UTRN: variants seen among roughly 807,000 people sequenced by gnomAD.
UTRN encodes utrophin.
In UTRN, 283 loss-of-function variants were observed where a neutral mutation model predicts 463.9. That is an observed-to-expected ratio of 0.61 (90% confidence interval 0.55 to 0.67). The LOEUF (loss-of-function observed/expected upper bound fraction) is 0.67, where lower values mean the gene tolerates loss of function less well. Among genes scored for constraint, UTRN ranks in the 30% least tolerant of loss-of-function variants. The pLI is 0.00. For missense variants in UTRN, 3,922 were observed against 4,084.3 expected (o/e 0.96, Z 1.08); for synonymous variants, 1,442 against 1,431.5 (o/e 1.01, Z -0.17).
intron 50 of UTRN, among the ~76,000 whole-genome samples, chr6:144,569,648 T>C (rs141570205): frequency 1.3e-5 from 2 of 152,328 alleles, no homozygotes; most frequent in East Asian, 1.9e-4. Flanking sequence ...CCTGGTCCTA[T>C]TGGGTGCACT....
intron 23 of UTRN, among the ~76,000 whole-genome samples, chr6:144,463,288 T>G (rs1250724231): frequency 6.6e-6 from 1 of 152,166 alleles, no homozygotes; most frequent in Non-Finnish European, 1.5e-5. Flanking sequence ...AAGTCAGAGA[T>G]AGGCCATTGA....
At chr6:144,590,645 T>C (rs1802944894) in intron 51 of UTRN, among the ~76,000 whole-genome samples, 1 of 152,184 alleles carries the variant, frequency 6.6e-6, no homozygotes. Flanking sequence ...GCATTTTCCA[T>C]GGGAAACAAG....
At chr6:144,310,103 T>G (rs537508190) in intron 2 of UTRN, among the ~76,000 whole-genome samples, 1 of 152,388 alleles carries the variant, frequency 6.6e-6, no homozygotes, top group South Asian at 2.1e-4. Context: ...TTGTCTAGGT[T>G]GAATCACTAG....
chr6:144,457,521 T>A (rs1434544558), intron 19 of UTRN, among the ~76,000 whole-genome samples: 2 of 152,190 alleles, frequency 1.3e-5, no homozygotes, highest in African/African-American at 4.8e-5. Context: ...TTGTTCATAT[T>A]GTTAGGAAAA....
At chr6:144,633,973 C>T (rs1776826359) in intron 51 of UTRN, among the ~76,000 whole-genome samples, 1 of 152,218 alleles carries the variant, frequency 6.6e-6, no homozygotes, top group African/African-American at 2.4e-5. Context: ...AGGCATTCTG[C>T]CTGCTTTTAA....
intron 50 of UTRN, among the ~76,000 whole-genome samples, chr6:144,574,853 A>C (rs1222915226): frequency 6.6e-6 from 1 of 152,172 alleles, no homozygotes; most frequent in East Asian, 1.9e-4. Context: ...AAGTGCTGAG[A>C]CTACAGGCAT....
intron 51 of UTRN, among the ~76,000 whole-genome samples, chr6:144,648,499 G>A (rs1778498197): frequency 6.6e-6 from 1 of 152,070 alleles, no homozygotes; most frequent in Non-Finnish European, 1.5e-5. Context: ...TTTCACAAGA[G>A]GGCAGCACTT....
chr6:144,621,873 C>T (rs952655497), intron 51 of UTRN, among the ~76,000 whole-genome samples: 3 of 151,978 alleles, frequency 2.0e-5, no homozygotes, highest in Non-Finnish European at 4.4e-5. Context: ...TCTTTTTTCT[C>T]CTTTGCCTCC....
chr6:144,733,507 C>CAAAAA (rs66466161), intron 54 of UTRN, among the ~76,000 whole-genome samples: 1 of 105,422 alleles, frequency 9.5e-6, no homozygotes, highest in Non-Finnish European at 2.4e-5. Context: ...AACTCCATCT[C>CAAAAA]AAAAAAAAAA....
chr6:144,494,891 A>T lies in UTRN; in HGVS notation c.4593+1435A>T, dbSNP rs138135874. Among the ~76,000 whole-genome samples the T allele has an allele frequency of 4.7e-3, 701 of 148,716 alleles. 5 individuals are homozygous for T. Among genetic ancestry groups the T allele is most frequent in the Middle Eastern group, 0.01 (3 of 292 alleles). On this transcript the variant is annotated intron_variant, in intron 33 of 74. Coordinates refer to ENST00000367545, the MANE Select transcript of UTRN (RefSeq NM_007124.3). The stretch of plus-strand genomic sequence containing the variant: ...CTTAGCTAGACATAAAGGTTCTCTA[A>T]GGCCCCACCAGAGTAGCTAGATACA...
At chr6:144,773,359 A>T (rs1794296009) in intron 59 of UTRN, among the ~76,000 whole-genome samples, 1 of 152,080 alleles carries the variant, frequency 6.6e-6, no homozygotes, top group African/African-American at 2.4e-5. Flanking sequence ...TATTGGGAAA[A>T]AAAGGAAGGG....
intron 2 of UTRN, among the ~76,000 whole-genome samples, chr6:144,383,777 C>G (rs1327562867): frequency 1.3e-5 from 2 of 152,144 alleles, no homozygotes; most frequent in Admixed American, 6.5e-5. Flanking sequence ...TGAGTTCCAG[C>G]AAATAGTTCT....
intron 23 of UTRN, among the ~76,000 whole-genome samples, chr6:144,470,704 G>C (rs534408169): frequency 8.0e-4 from 122 of 152,122 alleles, no homozygotes; most frequent in South Asian, 2.3e-3. Context: ...GTAGCGAGCC[G>C]AGATCACGCC....
At chr6:144,634,751 A>G (rs1378054051) in intron 51 of UTRN, among the ~76,000 whole-genome samples, 1 of 152,184 alleles carries the variant, frequency 6.6e-6, no homozygotes, top group Non-Finnish European at 1.5e-5. Flanking sequence ...TATTTCATAT[A>G]AATAGAATCC....
chr6:144,493,302 A>T lies in UTRN; in HGVS notation c.4439A>T (p.Lys1480Ile). Residue 1480 changes from lysine to isoleucine, a missense_variant and splice_region_variant, in exon 33 of 75, where the codon AAA (lysine) becomes ATA (isoleucine). This residue lies in a region of UTRN where 2,349 missense variants were observed against 2,303.8 expected (regional missense o/e 1.02). Transcript: ENST00000367545. Reference sequence around the variant, plus strand: ...TCTTTTTCTTTGTTTGTTTTAAAGAAACTGTATAAAACTTTGAGTGAAGTC... The same window carrying T: ...TCTTTTTCTTTGTTTGTTTTAAAGATACTGTATAAAACTTTGAGTGAAGTC... ...VIQTHLDKCMKLYKTLSEVKL... is the reference protein window; with the variant it reads ...VIQTHLDKCMILYKTLSEVKL... 6.2e-7 allele frequency: 1 copy of T among 1,613,750 alleles called. No homozygotes were observed. The highest frequency in any genetic ancestry group is 8.5e-7 in the Non-Finnish European group (1 of 1,179,840).
chr6:144,388,324 T>C (rs1241462717), intron 2 of UTRN, among the ~76,000 whole-genome samples: 1 of 152,032 alleles, frequency 6.6e-6, no homozygotes, highest in Non-Finnish European at 1.5e-5. Flanking sequence ...CTTTTGTGTT[T>C]TTTTTTAGAG....
rs139856263 is a variant in UTRN, at chr6:144,699,789, A to G, written c.7653-298A>G. ...ATTACCAATAAATCCTCTGAATATT[A>G]TAGCCTATTCAAAATAGCTGTTTCT... On this transcript the variant is annotated intron_variant, in intron 52 of 74. Coordinates refer to ENST00000367545, the MANE Select transcript of UTRN (RefSeq NM_007124.3). Among the ~76,000 whole-genome samples, 702 of 149,796 alleles carry G rather than the reference A, an allele frequency of 4.7e-3. 8 individuals are homozygous for G. Among genetic ancestry groups the G allele is most frequent in the African/African-American group, 0.016 (671 of 41,148 alleles).
chr6:144,511,106 T>A lies in UTRN; in HGVS notation c.4927T>A (p.Trp1643Arg), dbSNP rs1795128346. 6.2e-7 allele frequency: 1 copy of A among 1,600,860 alleles called. No homozygotes were observed. Among genetic ancestry groups the A allele is most frequent in the Non-Finnish European group, 8.5e-7 (1 of 1,171,540 alleles). ...CCGAGTTCGTACCTGGACTGAAGAT[T>A]GGTGCAATACCTTGATGGTATGTCT... ...WSRVRTWTEDWCNTLMNHQNQ... is the reference protein window; with the variant it reads ...WSRVRTWTEDRCNTLMNHQNQ... The change falls in exon 35 of 75, where the codon TGG becomes AGG. Residue 1643 changes from tryptophan to arginine, a missense_variant. Coordinates refer to ENST00000367545, the MANE Select transcript of UTRN (RefSeq NM_007124.3).
In UTRN at chr6:144,688,967, A is replaced by G. The variant is rs1047505916; in HGVS notation, c.7652+10389A>G. Among the ~76,000 whole-genome samples the G allele has an allele frequency of 3.3e-5, 5 of 152,240 alleles. No individual in the cohort carries two copies. In the East Asian group the frequency reaches 7.7e-4, roughly 24 times the overall value. ...GCTAGGGGATCTCTCAGGGAAATGC[A>G]CTGAGGTCTTTTCAGGGAAAAGGGA... is the stretch of plus-strand genomic sequence containing the variant. On this transcript the variant is annotated intron_variant, in intron 52 of 74. Transcript: ENST00000367545.
Sources: gnomAD v4.1 joint callset for allele counts (sites outside exome capture counted in the v4.1 genomes callset) on GRCh38, gnomAD v4.1.1 for gene constraint, gnomAD v4.1.1 regional missense constraint, MANE v1.5 for transcripts, NCBI Gene and HGNC (gene_info 2026-07-23, HGNC 2026-07-21) for gene names.